LYPLAL1: variants seen among roughly 807,000 people sequenced by gnomAD.
LYPLAL1 encodes the protein lysophospholipase-like protein 1.
Under a neutral mutation model 19.7 loss-of-function variants are expected in LYPLAL1, and 23 were observed. The observed-to-expected ratio is 1.17, with a 90% CI of 0.84 to 1.65. LYPLAL1 has a LOEUF of 1.65. Among genes scored for constraint, LYPLAL1 ranks in the 40% most tolerant of loss-of-function variants. The pLI, the probability that LYPLAL1 is intolerant of heterozygous loss-of-function variation, is 0.00. For synonymous variants in LYPLAL1, 119 were observed against 96.3 expected (o/e 1.24, Z -1.38); for missense variants, 355 against 279.4 (o/e 1.27, Z -1.93).
At chr1:219,270,474 G>A in the LYPLAL1 span, among the ~76,000 whole-genome samples, 72 of 152,314 alleles carry the variant, frequency 4.7e-4, no homozygotes, top group South Asian at 3.9e-3. Flanking sequence ...AACTGGTTAG[G>A]ACTGGGTGTG....
the LYPLAL1 span, among the ~76,000 whole-genome samples, chr1:219,334,130 T>C: frequency 6.6e-6 from 1 of 152,054 alleles, no homozygotes; most frequent in African/African-American, 2.4e-5. Flanking sequence ...CCAAGGCTTC[T>C]TTGATCATGG....
At chr1:219,273,747 T>C in the LYPLAL1 span, among the ~76,000 whole-genome samples, 2 of 152,140 alleles carry the variant, frequency 1.3e-5, no homozygotes, top group African/African-American at 2.4e-5. Context: ...TACAGTGGTC[T>C]TTGTATGTGT....
At chr1:219,261,354 G>C in the LYPLAL1 span, among the ~76,000 whole-genome samples, 1 of 152,112 alleles carries the variant, frequency 6.6e-6, no homozygotes, top group Admixed American at 6.6e-5. Context: ...CAGTTGGGAA[G>C]GTTTGGGGTT....
chr1:219,260,114 T>TG, the LYPLAL1 span, among the ~76,000 whole-genome samples: 1 of 151,556 alleles, frequency 6.6e-6, no homozygotes, highest in Admixed American at 6.6e-5. Context: ...AGAAGAAAAA[T>TG]GAAGAGGAAA....
the LYPLAL1 span, among the ~76,000 whole-genome samples, chr1:219,412,280 G>C: frequency 2.6e-5 from 4 of 151,992 alleles, no homozygotes; most frequent in African/African-American, 9.7e-5. Context: ...TCCTGCCTTG[G>C]CCTCCCAAAG....
chr1:219,254,861 A>G, the LYPLAL1 span, among the ~76,000 whole-genome samples: 1 of 152,000 alleles, frequency 6.6e-6, no homozygotes, highest in African/African-American at 2.4e-5. Context: ...ATCATGAAAT[A>G]TATTTTCCAA....
At chr1:219,294,045 C>T in the LYPLAL1 span, among the ~76,000 whole-genome samples, 1 of 152,198 alleles carries the variant, frequency 6.6e-6, no homozygotes, top group Non-Finnish European at 1.5e-5. Flanking sequence ...TATTTTCCCA[C>T]TGTCTTCTCC....
At chr1:219,411,617 C>G in the LYPLAL1 span, 5 of 152,308 alleles carry the variant, frequency 3.3e-5, no homozygotes, top group Admixed American at 6.5e-5. Context: ...CCGCTCGGGT[C>G]CCCTTCCCCA....
At chr1:219,215,360 G>A (rs11118239), downstream of LYPLAL1, among the ~76,000 whole-genome samples, 110,232 of 151,922 alleles carry the variant, frequency 0.73, 40,838 homozygotes, top group East Asian at 0.92. Context: ...TGTATCTATT[G>A]TGTCTTTTTA....
the LYPLAL1 span, among the ~76,000 whole-genome samples, chr1:219,349,625 G>C: frequency 2.3e-4 from 35 of 152,288 alleles, no homozygotes; most frequent in South Asian, 4.1e-4. Context: ...GCATATGTGT[G>C]TATGCATGTT....
At chr1:219,216,592 G>A (rs1001192318), downstream of LYPLAL1, among the ~76,000 whole-genome samples, 2 of 152,068 alleles carry the variant, frequency 1.3e-5, no homozygotes, top group South Asian at 2.1e-4. Context: ...TCATCCTCAT[G>A]TGAGCCCCAC....
the LYPLAL1 span, among the ~76,000 whole-genome samples, chr1:219,441,090 C>T: frequency 6.6e-6 from 1 of 152,090 alleles, no homozygotes; most frequent in Non-Finnish European, 1.5e-5. Flanking sequence ...GGGGGAAATT[C>T]TACAGGAAAA....
chr1:219,244,418 A>T, the LYPLAL1 span, among the ~76,000 whole-genome samples: 3 of 152,132 alleles, frequency 2.0e-5, no homozygotes, highest in Non-Finnish European at 1.5e-5. Flanking sequence ...AGACCTGGAA[A>T]ATTCCACAGT....
At chr1:219,339,775 A>G in the LYPLAL1 span, among the ~76,000 whole-genome samples, 4 of 152,166 alleles carry the variant, frequency 2.6e-5, no homozygotes. Context: ...AAACATATGG[A>G]CCAAATTTCC....
chr1:219,340,458 G>T, the LYPLAL1 span, among the ~76,000 whole-genome samples: 1 of 152,038 alleles, frequency 6.6e-6, no homozygotes, highest in Non-Finnish European at 1.5e-5. Context: ...AACCAATTAA[G>T]AGGATGGGAT....
chr1:219,218,309 A>C, the LYPLAL1 span, among the ~76,000 whole-genome samples: 1 of 152,146 alleles, frequency 6.6e-6, no homozygotes, highest in East Asian at 1.9e-4. Context: ...AGATGAAAAA[A>C]ATTTCTTGAC....
chr1:219,218,954 T>C, the LYPLAL1 span, among the ~76,000 whole-genome samples: 2 of 152,084 alleles, frequency 1.3e-5, no homozygotes, highest in Non-Finnish European at 2.9e-5. Context: ...AGGCCAGCTG[T>C]CCTCCTCCTT....
the LYPLAL1 span, among the ~76,000 whole-genome samples, chr1:219,333,448 G>A: frequency 6.6e-6 from 1 of 152,098 alleles, no homozygotes; most frequent in African/African-American, 2.4e-5. Flanking sequence ...TATTAGAACA[G>A]AGGTAAGGGT....
At chr1:219,362,583 G>A in the LYPLAL1 span, among the ~76,000 whole-genome samples, 1 of 152,134 alleles carries the variant, frequency 6.6e-6, no homozygotes, top group Admixed American at 6.5e-5. Flanking sequence ...ACAAATGGAA[G>A]CAGGAACCCC....
Sources: gnomAD v4.1 joint callset for allele counts (sites outside exome capture counted in the v4.1 genomes callset) on GRCh38, gnomAD v4.1.1 for gene constraint, MANE v1.5 for transcripts, NCBI Gene and HGNC (gene_info 2026-07-23, HGNC 2026-07-21) for gene names.